Variants in NAPG observed in about 807,000 individuals in gnomAD.
NAPG encodes the protein NSF attachment protein gamma.
NAPG carries 25 observed loss-of-function variants against 48.4 expected under a neutral mutation model. The observed-to-expected ratio is 0.52, with a 90% CI of 0.38 to 0.72. The LOEUF is 0.72. Ranked by LOEUF, NAPG falls within the 30% of genes least tolerant of loss-of-function variation. NAPG has a pLI of 0.00. For missense variants in NAPG, 359 were observed against 372.5 expected, an observed-to-expected ratio of 0.96 and a Z score of 0.30; for synonymous variants, 139 against 127.2, an observed-to-expected ratio of 1.09 and a Z score of -0.62.
intron 5 of NAPG, among the ~76,000 whole-genome samples, chr18:10,536,571 G>T (rs2032037203): frequency 6.6e-6 from 1 of 152,190 alleles, no homozygotes; most frequent in Non-Finnish European, 1.5e-5. Context: ...CAAGTAGGCA[G>T]CTCATCATTT....
intron 1 of NAPG, 113 bp from the exon 2 acceptor site, chr18:10,530,657 A>G (rs2031910453): frequency 1.6e-6 from 1 of 638,828 alleles, no homozygotes; most frequent in Admixed American, 4.3e-5. Context: ...TTTGTGCCTG[A>G]TGGTTTCTCC....
Position 10,539,321 on chromosome 18 carries a change from T to C in NAPG, c.259-441T>C, listed in dbSNP as rs1449839650. ...GGTACATATACACCATGGAATACTA[T>C]GCAGCTGTAAAAAAGAATGAGATCA... On this transcript the variant is annotated intron_variant, in intron 5 of 11. Transcript: ENST00000322897. This position sits in a 1 kb window ranked among gnomAD's most constrained non-coding sequence, Gnocchi z 4.7. The C allele has an allele frequency of 1.1e-5, 2 of 174,246 alleles. No individual in the cohort carries two copies. Among genetic ancestry groups the C allele is most frequent in the Non-Finnish European group, 2.5e-5 (2 of 81,132 alleles). 10.8% of individuals were successfully genotyped at this position (174,246 alleles called of 1,614,324 possible). A position where few individuals can be genotyped will look rare whatever the true frequency, so the allele number is the denominator to read the frequency against.
Position 10,546,271 on chromosome 18 carries a change from C to T in NAPG, c.507-55C>T, listed in dbSNP as rs1357974769. The T allele has an allele frequency of 8.7e-6, 10 of 1,148,380 alleles. No homozygotes were observed. In the South Asian group the frequency reaches 1.4e-4, roughly 16 times the overall value. The allele number at this position is 1,148,380 out of a possible 1,614,324, so 71.1% of individuals were successfully genotyped here. On this transcript the variant is annotated intron_variant, in intron 8 of 11. Coordinates refer to ENST00000322897, the MANE Select transcript of NAPG (RefSeq NM_003826.3). The surrounding 1 kb of genome is among the most constrained non-coding windows in gnomAD (Gnocchi z 4.0). Reference sequence around the variant, plus strand: ...ATGTCAAGTACATTTCACAGGGGACCTCTGCTATAGATCATTTAGACCTGC... The same window carrying T: ...ATGTCAAGTACATTTCACAGGGGACTTCTGCTATAGATCATTTAGACCTGC...
chr18:10,532,794 G>T lies in NAPG; in HGVS notation c.208G>T (p.Ala70Ser), dbSNP rs2031956020. ...AGCTGTTGCCCATGAAAATAATAGG[G>T]CGTATCTTTTTCAACTTTTAAAAAG... ...REAVAHENNR[A>S]LFHAAKAYEQ... Residue 70 changes from alanine (A) to serine (S), a missense_variant and splice_region_variant, in exon 3 of 12, where the codon GCT (alanine) becomes TCT (serine). By Grantham distance (99) the Ala-to-Ser change is moderately conservative. Transcript: ENST00000322897. 6.4e-7 allele frequency: 1 copy of T among 1,556,898 alleles called. No individual in the cohort carries two copies. The highest frequency in any genetic ancestry group is 2.3e-5 in the East Asian group (1 of 42,832).
Position 10,550,376 on chromosome 18 carries a change from C to A in NAPG, c.*156C>A. On this transcript the variant is annotated 3_prime_UTR_variant, in exon 12 of 12. Coordinates refer to ENST00000322897, the MANE Select transcript of NAPG (RefSeq NM_003826.3). Reference sequence around the variant, plus strand: ...TTTTAGTTACCATCTTCCCAAATCACTCATTGTATCCATTACCTGTGAAGC... The same window carrying A: ...TTTTAGTTACCATCTTCCCAAATCAATCATTGTATCCATTACCTGTGAAGC... The A allele has an allele frequency of 1.4e-6, 1 of 697,490 alleles. No individual in the cohort carries two copies. The highest frequency in any genetic ancestry group is 2.2e-6 in the Non-Finnish European group (1 of 456,686). 43.2% of individuals were successfully genotyped at this position (697,490 alleles called of 1,614,324 possible).
chr18:10,535,764 GTAA>G (rs1000087769), intron 5 of NAPG, among the ~76,000 whole-genome samples: 8 of 152,080 alleles, frequency 5.3e-5, no homozygotes, highest in Non-Finnish European at 1.0e-4. Flanking sequence ...CTGTCTCAAA[GTAA>G]TAATAATAAT....
At position 10,548,384 on chromosome 18, in the gene NAPG, A is replaced by G. The variant is rs2143150157; in HGVS notation, c.665+6A>G. ...TGTGTCCGGGAGAGCTATAGGTAAG[A>G]CGTTGTCTGGGCCCTCTTGACTTGC... On this transcript the variant is annotated splice_donor_region_variant and intron_variant, in intron 10 of 11. Transcript: ENST00000322897. The surrounding 1 kb of genome is among the most constrained non-coding windows in gnomAD (Gnocchi z 4.4). 1 of 1,611,444 alleles carries G rather than the reference A, an allele frequency of 6.2e-7. No individual in the cohort carries two copies. Among genetic ancestry groups the G allele is most frequent in the Non-Finnish European group, 8.5e-7 (1 of 1,177,660 alleles).
rs563263730 is a variant in NAPG, at chr18:10,539,429, G to A, written c.259-333G>A. 6.5e-5 allele frequency: 14 copies of A among 216,972 alleles called. No individual in the cohort carries two copies. The East Asian group carries it at 8.2e-4, about 13-fold the overall frequency. The allele number at this position is 216,972 out of a possible 1,614,324, so 13.4% of individuals were successfully genotyped here. A position where few individuals can be genotyped will look rare whatever the true frequency, so the allele number is the denominator to read the frequency against. On this transcript the variant is annotated intron_variant, in intron 5 of 11. Transcript: ENST00000322897. This position sits in a 1 kb window ranked among gnomAD's most constrained non-coding sequence, Gnocchi z 4.7. ...ACACAGGAACAGAAAACCAAACACCGCATGTTCTCACTCATACGTGGGAAT... is the reference window on the plus strand; with the variant it reads ...ACACAGGAACAGAAAACCAAACACCACATGTTCTCACTCATACGTGGGAAT...
rs958380612 is a variant in NAPG at position 10,542,498 on chromosome 18, CATT to C, written c.506+2103_506+2105del. On this transcript the variant is annotated intron_variant, in intron 8 of 11. Coordinates refer to ENST00000322897, the MANE Select transcript of NAPG (RefSeq NM_003826.3). This position sits in a 1 kb window ranked among gnomAD's most constrained non-coding sequence, Gnocchi z 4.5. The stretch of plus-strand genomic sequence containing the variant: ...CATGCAGTGTTTATAGTGATGGAGA[CATT>C]ATTGAGATGATTTATGTGATAATTG... Among the ~76,000 whole-genome samples, 17 of 152,054 alleles carry C rather than the reference CATT, an allele frequency of 1.1e-4. No homozygotes were observed. Among genetic ancestry groups the C allele is most frequent in the Admixed American group, 9.2e-4 (14 of 15,256 alleles).
At chr18:10,528,142 C>T (rs1334588318) in intron 1 of NAPG, among the ~76,000 whole-genome samples, 2 of 151,962 alleles carry the variant, frequency 1.3e-5, no homozygotes. Flanking sequence ...GCGGAGATCG[C>T]GCCACTGCAT....
At chr18:10,532,598 CTAAG>C (rs2031949810) in intron 2 of NAPG, 109 bp from the exon 3 acceptor site, 1 of 721,810 alleles carries the variant, frequency 1.4e-6, no homozygotes, top group South Asian at 2.7e-5. Flanking sequence ...AGGATACTTC[CTAAG>C]TATTTGAAGT....
intron 8 of NAPG, among the ~76,000 whole-genome samples, chr18:10,545,269 G>A (rs571703506): frequency 1.3e-5 from 2 of 152,000 alleles, no homozygotes; most frequent in African/African-American, 2.4e-5. Flanking sequence ...CCGAGATGTC[G>A]CCACTGCACT....
In NAPG at chr18:10,544,960, A is replaced by G. The variant is rs773053468; in HGVS notation, c.507-1366A>G. ...TAAGTAGCCATAATAGCATAAGCCA[A>G]GCCACTGTGTGTGTGGTGTGTGTGT... On this transcript the variant is annotated intron_variant, in intron 8 of 11. Transcript: ENST00000322897. This position sits in a 1 kb window ranked among gnomAD's most constrained non-coding sequence, Gnocchi z 5.1. 6.6e-6 allele frequency among the ~76,000 whole-genome samples: 1 copy of G among 152,122 alleles called. No homozygotes were observed. Among genetic ancestry groups the G allele is most frequent in the African/African-American group, 2.4e-5 (1 of 41,418 alleles).
At position 10,546,294 on chromosome 18, in the gene NAPG, T is replaced by C. The variant is rs1379809444; in HGVS notation, c.507-32T>C. ...ACCTCTGCTATAGATCATTTAGACC[T>C]GCTTTTTTTACATTTCTGTGTTTTG... On this transcript the variant is annotated intron_variant, in intron 8 of 11. Transcript: ENST00000322897. This position sits in a 1 kb window ranked among gnomAD's most constrained non-coding sequence, Gnocchi z 4.0. The C allele has an allele frequency of 1.4e-5, 21 of 1,448,894 alleles. 2 individuals carry two copies. The South Asian group carries it at 1.5e-4, about 10-fold the overall frequency. The allele number at this position is 1,448,894 out of a possible 1,614,324, so 89.8% of individuals were successfully genotyped here.
At chr18:10,533,387 G>A in intron 3 of NAPG, 149 bp from the exon 4 acceptor site, 3 of 575,200 alleles carry the variant, frequency 5.2e-6, no homozygotes, top group Non-Finnish European at 8.9e-6. Context: ...GACAGGTATT[G>A]AATTACTTCT....
chr18:10,549,196 A>T lies in NAPG; in HGVS notation c.795+100A>T, dbSNP rs547887513. ...CCATGTACTTAAGAGATTTTTTCCT[A>T]CCTCTTTTTTTCTTCTCAAGCTACT... On this transcript the variant is annotated intron_variant, in intron 11 of 11. Coordinates refer to ENST00000322897, the MANE Select transcript of NAPG (RefSeq NM_003826.3). The T allele has an allele frequency of 2.8e-5, 39 of 1,396,814 alleles. No homozygotes were observed. In the African/African-American group the frequency reaches 5.5e-4, roughly 20 times the overall value. 86.5% of individuals were successfully genotyped at this position (1,396,814 alleles called of 1,614,324 possible).
Position 10,534,428 on chromosome 18 carries a change from G to A in NAPG, c.228-38G>A, listed in dbSNP as rs754053053. The A allele has an allele frequency of 3.6e-5, 58 of 1,605,690 alleles. No individual in the cohort carries two copies. Among genetic ancestry groups the A allele is most frequent in the Admixed American group, 1.5e-4 (9 of 59,664 alleles). On this transcript the variant is annotated intron_variant, in intron 4 of 11. Coordinates refer to ENST00000322897, the MANE Select transcript of NAPG (RefSeq NM_003826.3). The surrounding 1 kb of genome is among the most constrained non-coding windows in gnomAD (Gnocchi z 5.0). ...GAAAGTTTCTTCTACCCCTTATTTC[G>A]TTAAGATCTCATCAGAGAAATTATA...
chr18:10,539,584 A>C lies in NAPG; in HGVS notation c.259-178A>C. ...GCATGCGGGGCTTAAAACCTAGATG[A>C]TGGGTTGATAGGTATAGCAAACCAC... On this transcript the variant is annotated intron_variant, in intron 5 of 11. Coordinates refer to ENST00000322897, the MANE Select transcript of NAPG (RefSeq NM_003826.3). The surrounding 1 kb of genome is among the most constrained non-coding windows in gnomAD (Gnocchi z 4.7). 1 of 582,432 alleles carries C rather than the reference A, an allele frequency of 1.7e-6. No individual in the cohort carries two copies. The highest frequency in any genetic ancestry group is 2.1e-5 in the South Asian group (1 of 48,182). 36.1% of individuals were successfully genotyped at this position (582,432 alleles called of 1,614,324 possible). A position where few individuals can be genotyped will look rare whatever the true frequency, so the allele number is the denominator to read the frequency against.
chr18:10,527,643 T>C (rs961092138), intron 1 of NAPG, among the ~76,000 whole-genome samples: 11 of 152,192 alleles, frequency 7.2e-5, no homozygotes, highest in African/African-American at 2.7e-4. Context: ...TGAGCAGAGC[T>C]TGAAAAATAC....
Sources: allele counts gnomAD v4.1 joint callset (sites outside exome capture counted in the v4.1 genomes callset), GRCh38; gene constraint gnomAD v4.1.1; non-coding constraint Gnocchi (gnomAD v3.1); transcripts MANE v1.5; gene names NCBI Gene and HGNC (gene_info 2026-07-23, HGNC 2026-07-21).